The following PIK3R5 variants were observed in gnomAD, a reference collection of about 807,000 sequenced individuals.
PIK3R5 encodes the protein phosphoinositide-3-kinase regulatory subunit 5, also known as phosphoinositide 3-kinase regulatory subunit 5.
In PIK3R5, 32 loss-of-function variants were observed where a neutral mutation model predicts 94.9. The ratio of observed to expected loss-of-function variants is 0.34; its 90% CI spans 0.25 to 0.45. The LOEUF (loss-of-function observed/expected upper bound fraction) is 0.45. Ranked by LOEUF, PIK3R5 falls within the 20% of genes least tolerant of loss-of-function variation. The pLI is 1.00. For synonymous variants in PIK3R5, 443 were observed against 479.4 expected (o/e 0.92, Z 0.99); for missense variants, 853 against 1,144.6 (o/e 0.75, Z 3.68).
In PIK3R5 at chr17:8,888,403, G is replaced by A. The variant is rs752267265; in HGVS notation, c.1384C>T (p.Pro462Ser). The change falls in exon 10 of 19, where the codon CCC (proline) becomes TCC (serine). Residue 462 changes from proline to serine, a missense_variant. Pro to Ser is a moderately conservative substitution (Grantham distance 74). Coordinates refer to ENST00000447110, the MANE Select transcript of PIK3R5 (RefSeq NM_001142633.3). This position sits in a 1 kb window ranked among gnomAD's most constrained non-coding sequence, Gnocchi z 7.8. ...PLRRAGSLCS[P>S]LDEPVSPPSR... Reference sequence around the variant, plus strand: ...GGGGGTGATACTGGTTCGTCCAGGGGGCTGCAGAGGCTCCCTGCCCGCCTC... The same window carrying A: ...GGGGGTGATACTGGTTCGTCCAGGGAGCTGCAGAGGCTCCCTGCCCGCCTC... 1 of 1,584,588 alleles carries A rather than the reference G, an allele frequency of 6.3e-7. No homozygotes were observed. The highest frequency in any genetic ancestry group is 1.1e-5 in the South Asian group (1 of 88,282).
chr17:8,923,653 C>A (rs1186675364), intron 1 of PIK3R5, among the ~76,000 whole-genome samples: 1 of 152,160 alleles, frequency 6.6e-6, no homozygotes, highest in Non-Finnish European at 1.5e-5. Context: ...TCTTTGGGCA[C>A]CTGGGCTAAA....
intron 14 of PIK3R5, chr17:8,885,064 C>A (rs61761113): frequency 2.4e-6 from 1 of 421,710 alleles, no homozygotes; most frequent in Non-Finnish European, 4.3e-6. Flanking sequence ...GTGATCACAC[C>A]TTCCCAGGGT....
chr17:8,906,800 A>C (rs995294661), intron 3 of PIK3R5, among the ~76,000 whole-genome samples: 4 of 152,166 alleles, frequency 2.6e-5, no homozygotes, highest in Non-Finnish European at 4.4e-5. Flanking sequence ...CTGTCTCCAA[A>C]AAAAAAGGAG....
chr17:8,892,560 G>A lies in PIK3R5; in HGVS notation c.482+1026C>T, dbSNP rs1020582662. Reference sequence around the variant, plus strand: ...TGTAACCATGCTTAGGATGGTGCCTGGAGTCCGAATAAAGGTCTAAAGGGC... The same window carrying A: ...TGTAACCATGCTTAGGATGGTGCCTAGAGTCCGAATAAAGGTCTAAAGGGC... On this transcript the variant is annotated intron_variant, in intron 6 of 18. Transcript: ENST00000447110. This position sits in a 1 kb window ranked among gnomAD's most constrained non-coding sequence, Gnocchi z 4.3. Among the ~76,000 whole-genome samples, 4 of 152,026 alleles carry A rather than the reference G, an allele frequency of 2.6e-5. No homozygotes were observed. The highest frequency in any genetic ancestry group is 2.6e-4 in the Admixed American group (4 of 15,256).
At chr17:8,920,179 C>T (rs146065308) in intron 1 of PIK3R5, among the ~76,000 whole-genome samples, 21 of 152,174 alleles carry the variant, frequency 1.4e-4, no homozygotes, top group African/African-American at 3.9e-4. Context: ...CCACCATGCC[C>T]GGCCCAGAGT....
At position 8,888,740 on chromosome 17, in the gene PIK3R5, G is replaced by T. The variant is rs554397431; in HGVS notation, c.1047C>A (p.Thr349=). ...HCAERDSLLS[T]SSLASHDSTL... ...TGGAGTCATGGGACGCCAAAGAGCT[G>T]GTGGAGAGCAGGGAATCTCTCTCGG... Residue 349 remains threonine (T), a synonymous_variant, in exon 10 of 19, where the codon ACC becomes ACA. Transcript: ENST00000447110. The surrounding 1 kb of genome is among the most constrained non-coding windows in gnomAD (Gnocchi z 7.8). 1 of 1,613,702 alleles carries T rather than the reference G, an allele frequency of 6.2e-7. No individual in the cohort carries two copies. Among genetic ancestry groups the T allele is most frequent in the East Asian group, 2.2e-5 (1 of 44,888 alleles).
intron 13 of PIK3R5, 61 bp downstream of exon 13, chr17:8,886,416 G>C (rs2089859124): frequency 6.2e-7 from 1 of 1,601,098 alleles, no homozygotes; most frequent in East Asian, 2.2e-5. Context: ...CCCGGGGCAG[G>C]GGTGGGGCCT....
Position 8,955,067 on chromosome 17 carries a change from A to G in PIK3R5, c.-14+10529T>C, listed in dbSNP as rs2091445640. 6.6e-6 allele frequency among the ~76,000 whole-genome samples: 1 copy of G among 152,068 alleles called. No homozygotes were observed. On this transcript the variant is annotated intron_variant, in intron 1 of 18. Transcript: ENST00000447110. This position sits in a 1 kb window ranked among gnomAD's most constrained non-coding sequence, Gnocchi z 4.4. ...GGACACCTGCCTTGTCCCACAGTGG[A>G]TCACAAAGCCACTGGTGTCTGAAGC...
At chr17:8,920,844 C>CTTTTT (rs66921095) in intron 1 of PIK3R5, among the ~76,000 whole-genome samples, 1 of 133,726 alleles carries the variant, frequency 7.5e-6, no homozygotes, top group Admixed American at 7.5e-5. Flanking sequence ...TTTTCTTTTT[C>CTTTTT]TTTTTTTTTT....
intron 1 of PIK3R5, among the ~76,000 whole-genome samples, chr17:8,943,206 C>T (rs1411561381): frequency 6.6e-6 from 1 of 152,058 alleles, no homozygotes; most frequent in Non-Finnish European, 1.5e-5. Context: ...TCCTGAGTAG[C>T]TGGGGCTACA....
Position 8,904,624 on chromosome 17 carries a change from G to A in PIK3R5, c.412+153C>T, listed in dbSNP as rs893716893. ...ACCATCAGATGCTTGATGGTGCTGT[G>A]AAGAGGAGACTCCATGTTTGTGAAC... On this transcript the variant is annotated intron_variant, in intron 5 of 18. Transcript: ENST00000447110. The surrounding 1 kb of genome is among the most constrained non-coding windows in gnomAD (Gnocchi z 5.1). Among the ~76,000 whole-genome samples, 2 of 152,178 alleles carry A rather than the reference G, an allele frequency of 1.3e-5. No individual in the cohort carries two copies. Among genetic ancestry groups the A allele is most frequent in the African/African-American group, 2.4e-5 (1 of 41,440 alleles).
chr17:8,933,041 AC>A lies in PIK3R5; in HGVS notation c.-13-21535del, dbSNP rs1310686511. 5.3e-5 allele frequency among the ~76,000 whole-genome samples: 8 copies of A among 152,296 alleles called. No individual in the cohort carries two copies. In the East Asian group the frequency reaches 1.5e-3, roughly 29 times the overall value. On this transcript the variant is annotated intron_variant, in intron 1 of 18. Coordinates refer to ENST00000447110, the MANE Select transcript of PIK3R5 (RefSeq NM_001142633.3). ...TAGAAAACAACGAGAAAAACTACTG[AC>A]TTCTTAGAAACAACACAAACTAGGA...
chr17:8,907,643 AGAG>A lies in PIK3R5; in HGVS notation c.204+1428_204+1430del, dbSNP rs1212067561. 4.9e-5 allele frequency among the ~76,000 whole-genome samples: 7 copies of A among 143,338 alleles called. No homozygotes were observed. In the South Asian group the frequency reaches 8.6e-4, roughly 18 times the overall value. The allele number at this position is 143,338 out of a possible 152,430, so 94.0% of individuals were successfully genotyped here. The stretch of plus-strand genomic sequence containing the variant: ...CTTTTTTTAACAAAAAAAAAAAAAA[AGAG>A]AGAGAGAGAGAGAAATAGGGTCTTG... On this transcript the variant is annotated intron_variant, in intron 3 of 18. Transcript: ENST00000447110.
chr17:8,882,111 G>A lies in PIK3R5; in HGVS notation c.2206-230C>T. The A allele has an allele frequency of 1.8e-6, 1 of 554,990 alleles. No individual in the cohort carries two copies. The highest frequency in any genetic ancestry group is 4.8e-4 in the Middle Eastern group (1 of 2,066). 34.4% of individuals were successfully genotyped at this position (554,990 alleles called of 1,614,324 possible). The stretch of plus-strand genomic sequence containing the variant: ...GGTCAGCAGCCTCTGTGACCAGGTT[G>A]AAAGGTACAAGAGCTGAGAGCACCT... On this transcript the variant is annotated intron_variant, in intron 15 of 18. Transcript: ENST00000447110. The surrounding 1 kb of genome is among the most constrained non-coding windows in gnomAD (Gnocchi z 4.1).
At chr17:8,891,010 A>G (rs2151375531) in intron 6 of PIK3R5, 98 bp from the exon 7 acceptor site, 2 of 1,199,930 alleles carry the variant, frequency 1.7e-6, no homozygotes, top group Non-Finnish European at 2.3e-6. Context: ...CTCCACTGAG[A>G]CCAGGGCCTC....
At chr17:8,895,814 C>T (rs1008682120) in intron 5 of PIK3R5, among the ~76,000 whole-genome samples, 3 of 152,120 alleles carry the variant, frequency 2.0e-5, no homozygotes, top group African/African-American at 7.2e-5. Context: ...CCTCTTGGCA[C>T]ACTCTGACCC....
intron 1 of PIK3R5, among the ~76,000 whole-genome samples, chr17:8,913,451 A>C (rs2090568715): frequency 6.6e-6 from 1 of 152,236 alleles, no homozygotes; most frequent in Non-Finnish European, 1.5e-5. Context: ...TCATGCCCGT[A>C]ATCCCAGCAC....
At position 8,888,723 on chromosome 17, in the gene PIK3R5, T is replaced by C. The variant is rs139233896; in HGVS notation, c.1064A>G (p.His355Arg). The C allele has an allele frequency of 1.2e-5, 19 of 1,613,798 alleles. No homozygotes were observed. In the African/African-American group the frequency reaches 1.7e-4, roughly 15 times the overall value. ...GGATGCAAGGGACAAGGTGGAGTCATGGGACGCCAAAGAGCTGGTGGAGAG... is the reference window on the plus strand; with the variant it reads ...GGATGCAAGGGACAAGGTGGAGTCACGGGACGCCAAAGAGCTGGTGGAGAG... ...SLLSTSSLAS[H>R]DSTLSLASSQ... The change falls in exon 10 of 19, where the codon CAT (histidine) becomes CGT (arginine). Residue 355 changes from histidine to arginine, a missense_variant. By Grantham distance (29) the His-to-Arg change is conservative. Transcript: ENST00000447110. This position sits in a 1 kb window ranked among gnomAD's most constrained non-coding sequence, Gnocchi z 7.8.
rs1331207699 is a variant in PIK3R5, at chr17:8,892,317, C to T, written c.482+1269G>A. Among the ~76,000 whole-genome samples the T allele has an allele frequency of 6.6e-6, 1 of 152,190 alleles. No homozygotes were observed. The highest frequency in any genetic ancestry group is 1.5e-5 in the Non-Finnish European group (1 of 68,042). ...GGAGGTGGGCTTGTATAAGCAGCCC[C>T]TTACAACCTTGTAACGAGCCCAGCC... On this transcript the variant is annotated intron_variant, in intron 6 of 18. Transcript: ENST00000447110. The surrounding 1 kb of genome is among the most constrained non-coding windows in gnomAD (Gnocchi z 4.3).
Sources: allele counts gnomAD v4.1 joint callset (sites outside exome capture counted in the v4.1 genomes callset), GRCh38; gene constraint gnomAD v4.1.1; non-coding constraint Gnocchi (gnomAD v3.1); transcripts MANE v1.5; gene names NCBI Gene and HGNC (gene_info 2026-07-23, HGNC 2026-07-21).